CDH13: variants seen among roughly 807,000 people sequenced by gnomAD.
CDH13 encodes the protein cadherin-13.
In CDH13, 24 loss-of-function variants were observed where a neutral mutation model predicts 63.8. The observed-to-expected ratio is 0.38, with a 90% CI of 0.27 to 0.53. The LOEUF (loss-of-function observed/expected upper bound fraction) is 0.53. Ranked by LOEUF, CDH13 falls within the 20% of genes least tolerant of loss-of-function variation. CDH13 has a pLI of 0.85. For synonymous variants in CDH13, 503 were observed against 355.3 expected (o/e 1.42, Z -4.67); for missense variants, 1,049 against 903.1 (o/e 1.16, Z -2.07).
rs184877973 is a variant in CDH13, at chr16:83,107,383, A to C, written c.367-18002A>C. Among the ~76,000 whole-genome samples, 139 of 152,278 alleles carry C rather than the reference A, an allele frequency of 9.1e-4. 1 individual carries two copies. The highest frequency in any genetic ancestry group is 6.0e-3 in the South Asian group (29 of 4,822). On this transcript the variant is annotated intron_variant, in intron 3 of 13. Transcript: ENST00000567109. ...AGCTAGTATAAATAGTTTGGTACATAATAGGTGCTCAATAAATACTTGTTG... is the reference window on the plus strand; with the variant it reads ...AGCTAGTATAAATAGTTTGGTACATCATAGGTGCTCAATAAATACTTGTTG...
intron 7 of CDH13, among the ~76,000 whole-genome samples, chr16:83,512,130 G>C (rs1598192474): frequency 6.6e-6 from 1 of 151,534 alleles, no homozygotes; most frequent in Admixed American, 6.6e-5. Flanking sequence ...GACCATCCTG[G>C]CTAACACGGT....
At chr16:83,319,566 A>G (rs371156343) in intron 5 of CDH13, among the ~76,000 whole-genome samples, 20 of 152,378 alleles carry the variant, frequency 1.3e-4, no homozygotes, top group East Asian at 9.6e-4. Flanking sequence ...AGAGAAAAAT[A>G]TGAAATATTG....
intron 1 of CDH13, among the ~76,000 whole-genome samples, chr16:82,723,711 A>G (rs1013467656): frequency 2.6e-5 from 4 of 152,322 alleles, no homozygotes; most frequent in East Asian, 1.9e-4. Flanking sequence ...AATCTTTACA[A>G]TGTTCACTTG....
intron 1 of CDH13, among the ~76,000 whole-genome samples, chr16:82,641,727 C>T (rs1307725779): frequency 6.6e-6 from 1 of 152,188 alleles, no homozygotes; most frequent in Non-Finnish European, 1.5e-5. Flanking sequence ...CATTTATCAA[C>T]AAATATTACT....
chr16:83,107,774 G>T (rs2151615098), intron 3 of CDH13, among the ~76,000 whole-genome samples: 1 of 148,974 alleles, frequency 6.7e-6, no homozygotes, highest in Middle Eastern at 3.4e-3. Context: ...TCATTCCTCT[G>T]ACTCTTTGTC....
intron 1 of CDH13, among the ~76,000 whole-genome samples, chr16:82,804,808 A>G (rs1208725471): frequency 6.6e-6 from 1 of 152,218 alleles, no homozygotes; most frequent in Non-Finnish European, 1.5e-5. Context: ...TTAGGGGTTA[A>G]AAGAGCTGTA....
chr16:83,327,110 C>T (rs144092708), intron 5 of CDH13, among the ~76,000 whole-genome samples: 1 of 152,198 alleles, frequency 6.6e-6, no homozygotes, highest in Admixed American at 6.5e-5. Context: ...AAGGCAGGGA[C>T]AGATGGAATC....
intron 5 of CDH13, among the ~76,000 whole-genome samples, chr16:83,284,379 A>T (rs1012068795): frequency 2.0e-4 from 31 of 152,326 alleles, no homozygotes; most frequent in Non-Finnish European, 1.3e-4. Context: ...ATGAGATACG[A>T]TACTACCACC....
rs77068073 is a variant in CDH13, at chr16:82,628,272, C to T, written c.45+1135C>T. ...GATAAGAGCCAGGGCAGGGCAGGGC[C>T]GGGCAGAGTAAGGAGGGAAAGAGAC... is the stretch of plus-strand genomic sequence containing the variant. On this transcript the variant is annotated intron_variant, in intron 1 of 13. Coordinates refer to ENST00000567109, the MANE Select transcript of CDH13 (RefSeq NM_001257.5). Among the ~76,000 whole-genome samples the T allele has an allele frequency of 5.6e-3, 853 of 152,168 alleles. 36 individuals are homozygous for T. The East Asian group carries it at 0.1, about 19-fold the overall frequency.
intron 7 of CDH13, among the ~76,000 whole-genome samples, chr16:83,513,028 A>G (rs1055026143): frequency 2.4e-5 from 3 of 123,652 alleles, no homozygotes; most frequent in Non-Finnish European, 4.8e-5. Flanking sequence ...ATAAAAGAAG[A>G]AAAAAAAAAA....
At chr16:83,673,765 A>C (rs1914717731) in intron 9 of CDH13, among the ~76,000 whole-genome samples, 1 of 152,172 alleles carries the variant, frequency 6.6e-6, no homozygotes, top group African/African-American at 2.4e-5. Context: ...AGAATATGAG[A>C]GAGAGGTGTG....
chr16:82,696,144 T>C (rs1344088900), intron 1 of CDH13, among the ~76,000 whole-genome samples: 2 of 152,226 alleles, frequency 1.3e-5, no homozygotes, highest in East Asian at 3.8e-4. Context: ...GGGACTCTGA[T>C]GAAATCTTTA....
chr16:82,657,361 T>A (rs1911417478), intron 1 of CDH13, among the ~76,000 whole-genome samples: 1 of 152,158 alleles, frequency 6.6e-6, no homozygotes. Flanking sequence ...AATCTGTCAG[T>A]CTGATAACCA....
Position 83,684,290 on chromosome 16 carries a change from C to T in CDH13, c.1538+5829C>T, listed in dbSNP as rs188034884. ...GCTGAGGCAGGAGAATTTCTTGAACCTGTTAAACCTGGGAGGCAGAAGTTA... is the reference window on the plus strand; with the variant it reads ...GCTGAGGCAGGAGAATTTCTTGAACTTGTTAAACCTGGGAGGCAGAAGTTA... On this transcript the variant is annotated intron_variant, in intron 10 of 13. Transcript: ENST00000567109. Among the ~76,000 whole-genome samples the T allele has an allele frequency of 2.6e-5, 4 of 152,174 alleles. No homozygotes were observed. In the East Asian group the frequency reaches 7.7e-4, roughly 29 times the overall value.
At chr16:83,379,958 G>C (rs1165504302) in intron 6 of CDH13, among the ~76,000 whole-genome samples, 1 of 148,766 alleles carries the variant, frequency 6.7e-6, no homozygotes, top group East Asian at 1.9e-4. Flanking sequence ...GAGAGAGAGA[G>C]AGAGAGAGAC....
intron 2 of CDH13, among the ~76,000 whole-genome samples, chr16:82,910,942 G>C (rs2041810615): frequency 6.6e-6 from 1 of 152,120 alleles, no homozygotes; most frequent in Non-Finnish European, 1.5e-5. Context: ...CATGACAGGG[G>C]TTTCTTTGAG....
intron 10 of CDH13, among the ~76,000 whole-genome samples, chr16:83,734,075 A>G (rs1289128078): frequency 1.3e-5 from 2 of 152,188 alleles, no homozygotes; most frequent in African/African-American, 2.4e-5. Flanking sequence ...GTGACCATCC[A>G]TGTACTCCAA....
intron 1 of CDH13, among the ~76,000 whole-genome samples, chr16:82,838,410 T>A (rs1041763691): frequency 1.3e-5 from 2 of 152,354 alleles, no homozygotes; most frequent in Non-Finnish European, 2.9e-5. Flanking sequence ...GGAATTACTA[T>A]ATTTATTGTT....
intron 2 of CDH13, among the ~76,000 whole-genome samples, chr16:82,860,468 G>A (rs1206577179): frequency 1.3e-5 from 2 of 150,934 alleles, no homozygotes; most frequent in African/African-American, 4.9e-5. Flanking sequence ...TTCTGGGTAA[G>A]CTAGTAAATG....
Sources: allele counts gnomAD v4.1 joint callset (sites outside exome capture counted in the v4.1 genomes callset), GRCh38; gene constraint gnomAD v4.1.1; transcripts MANE v1.5; gene names NCBI Gene and HGNC (gene_info 2026-07-23, HGNC 2026-07-21).